The following CFAP46 variants were observed in gnomAD, a reference collection of about 807,000 sequenced individuals.
CFAP46 encodes the protein cilia- and flagella-associated protein 46.
A neutral mutation model predicts 325.7 loss-of-function variants in CFAP46; 245 were observed. That is an observed-to-expected ratio of 0.75 (90% CI 0.68 to 0.84). CFAP46 has a LOEUF of 0.84. CFAP46 is among the 40% of genes least tolerant of loss of function. CFAP46 has a pLI of 0.00. For synonymous variants in CFAP46, 1,523 were observed against 1,495.9 expected (o/e 1.02, Z -0.42); for missense variants, 3,346 against 3,543.0 (o/e 0.94, Z 1.41).
At position 132,914,037 on chromosome 10, in the gene CFAP46, TGTGTCCAGCCACACTGCACCCCGGCCC is replaced by T. The variant is rs1564799252; in HGVS notation, c.2121-806_2121-780del. ...AAACCTCTGGCCCCCGCCCCGAGGC[TGTGTCCAGCCACACTGCACCCCGGCCC>T]GAGGCTGTGTCCAGCCACACTGCAC... On this transcript the variant is annotated intron_variant, in intron 17 of 57. Coordinates refer to ENST00000368586, the MANE Select transcript of CFAP46 (RefSeq NM_001200049.3). 8.9e-4 allele frequency among the ~76,000 whole-genome samples: 134 copies of T among 150,502 alleles called. 18 individuals are homozygous for T. Among genetic ancestry groups the T allele is most frequent in the Non-Finnish European group, 1.2e-3 (82 of 67,816 alleles).
intron 7 of CFAP46, among the ~76,000 whole-genome samples, chr10:132,935,108 G>A (rs1030797168): frequency 3.9e-5 from 6 of 152,008 alleles, no homozygotes; most frequent in Admixed American, 1.3e-4. Context: ...CAGACCCCTC[G>A]CCAGAGTCAG....
chr10:132,861,576 G>A (rs976947860), intron 35 of CFAP46, among the ~76,000 whole-genome samples: 4 of 152,228 alleles, frequency 2.6e-5, no homozygotes, highest in Admixed American at 2.6e-4. Context: ...CTCCCCATCC[G>A]GGGGCCTGCA....
chr10:132,875,080 A>T (rs1191360887), intron 31 of CFAP46, among the ~76,000 whole-genome samples: 1 of 152,268 alleles, frequency 6.6e-6, no homozygotes, highest in Non-Finnish European at 1.5e-5. Flanking sequence ...TACAAGGCCA[A>T]AATGAAAACA....
intron 39 of CFAP46, among the ~76,000 whole-genome samples, chr10:132,855,098 CT>C (rs1848621370): frequency 6.6e-6 from 1 of 152,182 alleles, no homozygotes; most frequent in South Asian, 2.1e-4. Flanking sequence ...GCTACTTACT[CT>C]ATTAACACTG....
At chr10:132,898,853 G>C (rs1158329865) in intron 24 of CFAP46, 106 bp downstream of exon 24, 1 of 1,410,480 alleles carries the variant, frequency 7.1e-7, no homozygotes, top group African/African-American at 1.4e-5. Flanking sequence ...GCACCCTCTG[G>C]GAGGCCTGTG....
chr10:132,930,589 G>A (rs1849881281), intron 8 of CFAP46, among the ~76,000 whole-genome samples: 1 of 114,550 alleles, frequency 8.7e-6, no homozygotes, highest in Non-Finnish European at 1.8e-5. Flanking sequence ...AACAAAACCT[G>A]GGCCTCCCCA....
chr10:132,851,542 G>A (rs1013970298), intron 39 of CFAP46, among the ~76,000 whole-genome samples: 4 of 152,108 alleles, frequency 2.6e-5, no homozygotes, highest in East Asian at 1.9e-4. Flanking sequence ...GTTCCCTCCC[G>A]GTCACCTAGC....
At position 132,920,157 on chromosome 10, in the gene CFAP46, C is replaced by G; in HGVS notation, c.1632G>C (p.Arg544=). 1 of 1,546,634 alleles carries G rather than the reference C, an allele frequency of 6.5e-7. No homozygotes were observed. The highest frequency in any genetic ancestry group is 1.2e-5 in the South Asian group (1 of 83,604). ...ACGCCTTCGCACAGAGGTAGGTGAA[C>G]CGGCCCCTGTTCTTCCCGGTGGAGA... is the stretch of plus-strand genomic sequence containing the variant. ...AKVSTGKNRG[R]FTYLCAKAWH... is the part of the protein sequence containing the mutation. The change falls in exon 14 of 58, where the codon CGG becomes CGC. Residue 544 remains arginine (R), a synonymous_variant. Coordinates refer to ENST00000368586, the MANE Select transcript of CFAP46 (RefSeq NM_001200049.3).
rs1477268388 is a variant in CFAP46, at chr10:132,884,250, C to T, written c.3627+853G>A. 6.6e-6 allele frequency among the ~76,000 whole-genome samples: 1 copy of T among 152,146 alleles called. No homozygotes were observed. The highest frequency in any genetic ancestry group is 1.5e-5 in the Non-Finnish European group (1 of 68,034). ...GGTTCCCCGGAGCGAGGAGCAGTGG[C>T]TCCCTGTGGCTCCCCACGGTGGTAC... On this transcript the variant is annotated intron_variant, in intron 27 of 57. Transcript: ENST00000368586. This position sits in a 1 kb window ranked among gnomAD's most constrained non-coding sequence, Gnocchi z 5.4.
intron 7 of CFAP46, among the ~76,000 whole-genome samples, chr10:132,935,753 G>C (rs12412761): frequency 2.8e-4 from 15 of 53,474 alleles, no homozygotes; most frequent in Admixed American, 7.3e-4. Flanking sequence ...TCTCCTCACA[G>C]CCCTCAGCAC....
chr10:132,822,659 G>GA (rs1847891756), intron 50 of CFAP46, among the ~76,000 whole-genome samples: 1 of 141,554 alleles, frequency 7.1e-6, no homozygotes, highest in Non-Finnish European at 1.5e-5. Context: ...GATGTGTGCT[G>GA]TGTGTGCGCT....
At position 132,919,983 on chromosome 10, in the gene CFAP46, CCA is replaced by C. The variant is rs1849696677; in HGVS notation, c.1730+74_1730+75del. On this transcript the variant is annotated intron_variant, in intron 14 of 57. Transcript: ENST00000368586. This position sits in a 1 kb window ranked among gnomAD's most constrained non-coding sequence, Gnocchi z 9.7. ...GCCACATGCAGGGTCAGCTCAGCCGCCACAGACACTGGCCCTCGGGCTGAGCG... is the reference window on the plus strand; with the variant it reads ...GCCACATGCAGGGTCAGCTCAGCCGCCAGACACTGGCCCTCGGGCTGAGCG... The C allele has an allele frequency of 4.2e-6, 6 of 1,427,864 alleles. No individual in the cohort carries two copies. In the African/African-American group the frequency reaches 7.3e-5, roughly 17 times the overall value. 88.4% of individuals were successfully genotyped at this position (1,427,864 alleles called of 1,614,324 possible). A position where few individuals can be genotyped will look rare whatever the true frequency, so the allele number is the denominator to read the frequency against.
At position 132,872,797 on chromosome 10, in the gene CFAP46, G is replaced by C. The variant is rs1467874704; in HGVS notation, c.4390C>G (p.Leu1464Val). 1.3e-6 allele frequency: 2 copies of C among 1,551,120 alleles called. No individual in the cohort carries two copies. The highest frequency in any genetic ancestry group is 2.0e-5 in the Admixed American group (1 of 51,018). The change falls in exon 32 of 58, where the codon CTG (leucine) becomes GTG (valine). Residue 1464 changes from leucine (L) to valine (V), a missense_variant. Transcript: ENST00000368586. ...CACATCTTCTGCAGGGCCTTGACCA[G>C]GTGGTCCAGGAAATACAAACTGTAT... ...PTYSLYFLDH[L>V]VKALQKMCLH...
intron 50 of CFAP46, among the ~76,000 whole-genome samples, chr10:132,819,590 G>T (rs1046040075): frequency 6.6e-6 from 1 of 152,218 alleles, no homozygotes; most frequent in Non-Finnish European, 1.5e-5. Context: ...AAACCCACAC[G>T]TTCAGGGTCA....
At position 132,876,042 on chromosome 10, in the gene CFAP46, A is replaced by G. The variant is rs1245839368; in HGVS notation, c.4362+770T>C. ...AGGAAAAGTCAGAAAGCTTAATTAA[A>G]TATGGGCGACAGCCTGGAGGGCACA... is the stretch of plus-strand genomic sequence containing the variant. On this transcript the variant is annotated intron_variant, in intron 31 of 57. Coordinates refer to ENST00000368586, the MANE Select transcript of CFAP46 (RefSeq NM_001200049.3). This position sits in a 1 kb window ranked among gnomAD's most constrained non-coding sequence, Gnocchi z 4.1. 6.6e-6 allele frequency among the ~76,000 whole-genome samples: 1 copy of G among 152,258 alleles called. No homozygotes were observed. Among genetic ancestry groups the G allele is most frequent in the Non-Finnish European group, 1.5e-5 (1 of 68,046 alleles).
intron 39 of CFAP46, among the ~76,000 whole-genome samples, chr10:132,857,045 G>A (rs1015232909): frequency 5.9e-5 from 9 of 152,216 alleles, no homozygotes; most frequent in Admixed American, 1.3e-4. Context: ...TGCTTTGCCC[G>A]ATGCCCCAGG....
intron 17 of CFAP46, among the ~76,000 whole-genome samples, chr10:132,914,159 G>A (rs1849606151): frequency 1.1e-4 from 1 of 9,470 alleles, no homozygotes; most frequent in Non-Finnish European, 1.9e-4. Context: ...ACTGCACCCC[G>A]GCCCGAGGCT....
At chr10:132,866,711 A>T (rs1468307063) in intron 34 of CFAP46, among the ~76,000 whole-genome samples, 1 of 152,180 alleles carries the variant, frequency 6.6e-6, no homozygotes. Flanking sequence ...TTCTGGATCC[A>T]GGTCCTGTGC....
rs1848690113 is a variant in CFAP46 at position 132,859,187 on chromosome 10, G to A, written c.5259C>T (p.Cys1753=). The A allele has an allele frequency of 6.4e-7, 1 of 1,550,428 alleles. No homozygotes were observed. ...CATCCATCTCTTTCAGTAGCAACGA[G>A]CACTCTGTGGGTTCAGTGACCGCTG... The part of the protein sequence containing the change: ...QHSAVTEPTE[C]SLLLKEMDDG... The change falls in exon 38 of 58, where the codon TGC becomes TGT. Residue 1753 remains cysteine (C), a synonymous_variant. Coordinates refer to ENST00000368586, the MANE Select transcript of CFAP46 (RefSeq NM_001200049.3).
Sources: gnomAD v4.1 joint callset for allele counts (sites outside exome capture counted in the v4.1 genomes callset) on GRCh38, gnomAD v4.1.1 for gene constraint, Gnocchi (gnomAD v3.1) non-coding constraint, MANE v1.5 for transcripts, NCBI Gene and HGNC (gene_info 2026-07-23, HGNC 2026-07-21) for gene names.